Variants in PRKCZ observed in about 807,000 individuals in gnomAD.
PRKCZ encodes the protein protein kinase C zeta.
A neutral mutation model predicts 79.5 loss-of-function variants in PRKCZ; 33 were observed. The ratio of observed to expected loss-of-function variants is 0.41; its 90% confidence interval spans 0.31 to 0.55. The LOEUF (loss-of-function observed/expected upper bound fraction) is 0.55, where lower values mean the gene tolerates loss of function less well. PRKCZ is among the 20% of genes least tolerant of loss of function. The pLI is 0.19. For synonymous variants in PRKCZ, 342 were observed against 320.9 expected, an observed-to-expected ratio of 1.07 and a Z score of -0.70; for missense variants, 578 against 813.5, an observed-to-expected ratio of 0.71 and a Z score of 3.52.
At chr1:2,129,624 A>C (rs1278634718) in intron 4 of PRKCZ, among the ~76,000 whole-genome samples, 1 of 152,108 alleles carries the variant, frequency 6.6e-6, no homozygotes, top group Non-Finnish European at 1.5e-5. Flanking sequence ...GGAAGATGAG[A>C]GCTGTGGGGA....
chr1:2,062,958 C>T (rs962521347), intron 4 of PRKCZ, among the ~76,000 whole-genome samples: 1 of 152,198 alleles, frequency 6.6e-6, no homozygotes, highest in Non-Finnish European at 1.5e-5. Context: ...CCCCATCACC[C>T]ACCCGCCGCT....
intron 16 of PRKCZ, 47 bp from the exon 17 acceptor site, chr1:2,184,536 G>A: frequency 1.4e-6 from 2 of 1,448,882 alleles, no homozygotes; most frequent in Non-Finnish European, 1.9e-6. Flanking sequence ...AATCTGGTAG[G>A]GATGATGCCC....
chr1:2,152,488 C>T (rs779615193), intron 9 of PRKCZ, among the ~76,000 whole-genome samples: 52 of 152,174 alleles, frequency 3.4e-4, no homozygotes, highest in Non-Finnish European at 5.6e-4. Context: ...GCCGAGATCA[C>T]GCTACTGCAC....
intron 16 of PRKCZ, chr1:2,182,160 C>T: frequency 4.3e-6 from 1 of 230,012 alleles, no homozygotes; most frequent in East Asian, 1.5e-4. Flanking sequence ...TTCCCAAAAG[C>T]CTATGAGGGT....
At chr1:2,060,215 T>C (rs1660548816) in intron 4 of PRKCZ, among the ~76,000 whole-genome samples, 1 of 152,148 alleles carries the variant, frequency 6.6e-6, no homozygotes, top group African/African-American at 2.4e-5. Flanking sequence ...GCCTTGTTCG[T>C]TGTGTGGGCA....
chr1:2,129,384 C>T (rs1674529662), intron 4 of PRKCZ, among the ~76,000 whole-genome samples: 1 of 152,128 alleles, frequency 6.6e-6, no homozygotes, highest in Non-Finnish European at 1.5e-5. Context: ...AGAACTGTCA[C>T]GGTCAGAAAG....
chr1:2,057,303 C>T (rs1212171197), intron 3 of PRKCZ, among the ~76,000 whole-genome samples: 1 of 152,194 alleles, frequency 6.6e-6, no homozygotes, highest in Non-Finnish European at 1.5e-5. Context: ...GGGCTCCTCC[C>T]CGGTACTGCT....
chr1:2,141,211 T>C (rs1309478860), intron 5 of PRKCZ: 1 of 152,222 alleles, frequency 6.6e-6, no homozygotes, highest in Admixed American at 6.5e-5. Flanking sequence ...GTCTCTGTGG[T>C]GGGTGCCAAC....
At chr1:2,072,895 G>A (rs977091033) in intron 4 of PRKCZ, among the ~76,000 whole-genome samples, 1 of 152,096 alleles carries the variant, frequency 6.6e-6, no homozygotes, top group African/African-American at 2.4e-5. Flanking sequence ...GGCTCAGCAC[G>A]AGTGCCGAGT....
chr1:2,056,694 G>T (rs1484494864), intron 3 of PRKCZ, 121 bp downstream of exon 3: 3 of 798,018 alleles, frequency 3.8e-6, no homozygotes, highest in South Asian at 2.4e-5. Flanking sequence ...ATTTAGGGAT[G>T]TCTAATATAA....
Position 2,146,118 on chromosome 1 carries a change from G to A in PRKCZ, c.634+10G>A. The stretch of plus-strand genomic sequence containing the variant: ...GAGGAGACAGATGGAAGTAGGCGCT[G>A]CTTTCTTCCGGCCGGGTAGAGCCTG... On this transcript the variant is annotated intron_variant, in intron 7 of 17. Coordinates refer to ENST00000378567, the MANE Select transcript of PRKCZ (RefSeq NM_002744.6). The A allele has an allele frequency of 6.2e-7, 1 of 1,610,886 alleles. No individual in the cohort carries two copies. The highest frequency in any genetic ancestry group is 8.5e-7 in the Non-Finnish European group (1 of 1,177,086).
intron 4 of PRKCZ, chr1:2,074,743 G>T: frequency 5.2e-6 from 1 of 191,584 alleles, no homozygotes; most frequent in East Asian, 1.4e-4. Flanking sequence ...GCGGCGTCCT[G>T]TTTTCTATTC....
intron 4 of PRKCZ, among the ~76,000 whole-genome samples, chr1:2,080,448 G>A (rs1026436836): frequency 6.6e-6 from 1 of 152,130 alleles, no homozygotes; most frequent in African/African-American, 2.4e-5. Flanking sequence ...AGGCCCCTCT[G>A]TTTGTTTTTC....
chr1:2,111,582 T>G (rs1032120513), intron 4 of PRKCZ: 3 of 152,292 alleles, frequency 2.0e-5, no homozygotes, highest in Admixed American at 2.0e-4. Flanking sequence ...CATTGGGAGC[T>G]GTCCCCTGCC....
At chr1:2,148,654 A>G (rs1050737038) in intron 7 of PRKCZ, among the ~76,000 whole-genome samples, 1 of 152,232 alleles carries the variant, frequency 6.6e-6, no homozygotes, top group African/African-American at 2.4e-5. Flanking sequence ...TATGTCACGA[A>G]TGTACATCCC....
intron 4 of PRKCZ, among the ~76,000 whole-genome samples, chr1:2,067,649 C>T (rs1048791378): frequency 2.0e-5 from 3 of 152,148 alleles, no homozygotes; most frequent in Non-Finnish European, 4.4e-5. Flanking sequence ...CGGGGGTCCG[C>T]ATGAGGGGCC....
rs889859627 is a variant in PRKCZ, at chr1:2,174,638, G to A, written c.1406-116G>A. The A allele has an allele frequency of 1.0e-6, 1 of 998,346 alleles. No homozygotes were observed. The highest frequency in any genetic ancestry group is 1.5e-6 in the Non-Finnish European group (1 of 660,832). 61.8% of individuals were successfully genotyped at this position (998,346 alleles called of 1,614,324 possible). A position where few individuals can be genotyped will look rare whatever the true frequency, so the allele number is the denominator to read the frequency against. On this transcript the variant is annotated intron_variant, in intron 14 of 17. Coordinates refer to ENST00000378567, the MANE Select transcript of PRKCZ (RefSeq NM_002744.6). This position sits in a 1 kb window ranked among gnomAD's most constrained non-coding sequence, Gnocchi z 6.2. ...TATTGCTGGGCTGTAGGAAGGGAGG[G>A]GCTCCGGGGCCCCAAGGCTGAGCTC...
intron 4 of PRKCZ, among the ~76,000 whole-genome samples, chr1:2,126,105 T>A (rs1673825012): frequency 6.6e-6 from 1 of 152,014 alleles, no homozygotes. Context: ...CAGCACAGCA[T>A]CCAGCACTGC....
intron 4 of PRKCZ, among the ~76,000 whole-genome samples, chr1:2,133,274 C>T (rs940313269): frequency 5.3e-5 from 8 of 152,080 alleles, no homozygotes; most frequent in African/African-American, 1.9e-4. Context: ...GGCTCCGCCC[C>T]ACAGCTGTGT....
Sources: allele counts gnomAD v4.1 joint callset (sites outside exome capture counted in the v4.1 genomes callset), GRCh38; gene constraint gnomAD v4.1.1; non-coding constraint Gnocchi (gnomAD v3.1); transcripts MANE v1.5; gene names NCBI Gene and HGNC (gene_info 2026-07-23, HGNC 2026-07-21).